Variants in APCDD1 observed in about 807,000 individuals in gnomAD.
APCDD1 encodes the protein protein APCDD1.
APCDD1 carries 15 observed loss-of-function variants against 38.1 expected under a neutral mutation model. That is an observed-to-expected ratio of 0.39 (90% CI 0.26 to 0.61). The LOEUF is 0.61. Among genes scored for constraint, APCDD1 ranks in the 20% least tolerant of loss-of-function variants. The pLI is 0.49. For synonymous variants in APCDD1, 261 were observed against 279.7 expected, an observed-to-expected ratio of 0.93 and a Z score of 0.67; for missense variants, 647 against 696.2, an observed-to-expected ratio of 0.93 and a Z score of 0.79.
rs368134493 is a variant in APCDD1, at chr18:10,471,819, G to C, written c.532G>C (p.Gly178Arg). 6.2e-7 allele frequency: 1 copy of C among 1,613,842 alleles called. No individual in the cohort carries two copies. Among genetic ancestry groups the C allele is most frequent in the South Asian group, 1.1e-5 (1 of 91,078 alleles). Residue 178 changes from glycine to arginine, a missense_variant, in exon 3 of 5, where the codon GGG becomes CGG. Coordinates refer to ENST00000355285, the MANE Select transcript of APCDD1 (RefSeq NM_153000.5). The surrounding 1 kb of genome is among the most constrained non-coding windows in gnomAD (Gnocchi z 5.5). ...CACATGCCCGGGCTTCCTCGCAGAC[G>C]GGGGTCCCTGGGTGCAGGACGTGGC... ...NRTCPGFLAD[G>R]GPWVQDVAYD... is the part of the protein sequence containing the mutation.
intron 3 of APCDD1, among the ~76,000 whole-genome samples, chr18:10,482,480 C>T (rs549457356): frequency 2.0e-5 from 3 of 152,166 alleles, no homozygotes; most frequent in South Asian, 2.1e-4. Context: ...TCTGACTCCG[C>T]GCTTCTTGTT....
At chr18:10,479,603 T>TG (rs1330143111) in intron 3 of APCDD1, among the ~76,000 whole-genome samples, 1 of 152,210 alleles carries the variant, frequency 6.6e-6, no homozygotes, top group Non-Finnish European at 1.5e-5. Flanking sequence ...GAGGCAGCTC[T>TG]GGCCAGGAGG....
intron 4 of APCDD1, 73 bp from the exon 5 acceptor site, chr18:10,487,517 G>C: frequency 2.7e-6 from 4 of 1,467,980 alleles, no homozygotes; most frequent in Non-Finnish European, 3.8e-6. Context: ...AGTGTGGCCA[G>C]TGTTTTCTGG....
chr18:10,473,391 C>T (rs1044717063), intron 3 of APCDD1, among the ~76,000 whole-genome samples: 2 of 152,212 alleles, frequency 1.3e-5, no homozygotes, highest in African/African-American at 2.4e-5. Flanking sequence ...GCATTCCTGC[C>T]GGCTCAGGAT....
chr18:10,456,035 T>C (rs756877025), intron 1 of APCDD1, among the ~76,000 whole-genome samples: 3 of 152,162 alleles, frequency 2.0e-5, no homozygotes, highest in Non-Finnish European at 2.9e-5. Flanking sequence ...TCAGAATGCA[T>C]GGTAGCCAGG....
Position 10,454,992 on chromosome 18 carries a change from C to T in APCDD1, c.11C>T (p.Pro4Leu). Residue 4 changes from proline to leucine, a missense_variant, in exon 1 of 5, where the codon CCG becomes CTG. By Grantham distance (98) the Pro-to-Leu change is moderately conservative. Transcript: ENST00000355285. MSW[P>L]RRLLLRYLFP... Reference sequence around the variant, plus strand: ...AGAGCAGGACTGGAAATGTCCTGGCCGCGCCGCCTCCTGCTCAGATACCTG... The same window carrying T: ...AGAGCAGGACTGGAAATGTCCTGGCTGCGCCGCCTCCTGCTCAGATACCTG... 1 of 1,555,178 alleles carries T rather than the reference C, an allele frequency of 6.4e-7. No individual in the cohort carries two copies. The highest frequency in any genetic ancestry group is 8.7e-7 in the Non-Finnish European group (1 of 1,149,996).
In APCDD1 at chr18:10,485,837, ATTT is replaced by A; in HGVS notation, c.1096+57_1096+59del. 2 of 1,582,966 alleles carry A rather than the reference ATTT, an allele frequency of 1.3e-6. No homozygotes were observed. The highest frequency in any genetic ancestry group is 1.7e-6 in the Non-Finnish European group (2 of 1,163,722). On this transcript the variant is annotated intron_variant, in intron 4 of 4. Transcript: ENST00000355285. This position sits in a 1 kb window ranked among gnomAD's most constrained non-coding sequence, Gnocchi z 5.8. Reference sequence around the variant, plus strand: ...CACAGCCAATAAACAGCCCTGTGACATTTTTGTGGAGGCAGAGCTGAGGGAAAG... The same window carrying A: ...CACAGCCAATAAACAGCCCTGTGACATTGTGGAGGCAGAGCTGAGGGAAAG...
In APCDD1 at chr18:10,475,935, T is replaced by C. The variant is rs2030988298; in HGVS notation, c.774+3874T>C. ...TTTTCAGATCCTTCCCCAGGACAGC[T>C]CTGAGAAGGAACAAAATGGACTCAG... On this transcript the variant is annotated intron_variant, in intron 3 of 4. Transcript: ENST00000355285. The surrounding 1 kb of genome is among the most constrained non-coding windows in gnomAD (Gnocchi z 4.0). 1.3e-5 allele frequency: 2 copies of C among 152,248 alleles called. No homozygotes were observed. Among genetic ancestry groups the C allele is most frequent in the South Asian group, 4.1e-4 (2 of 4,832 alleles). 9.4% of individuals were successfully genotyped at this position (152,248 alleles called of 1,614,324 possible).
rs181390779 is a variant in APCDD1 at position 10,460,333 on chromosome 18, C to T, written c.58+5294C>T. Reference sequence around the variant, plus strand: ...CTGCGGTCAGGAGTTGGAGACCAGCCTGGCCAACGCGGCGAAACCCCGTCT... The same window carrying T: ...CTGCGGTCAGGAGTTGGAGACCAGCTTGGCCAACGCGGCGAAACCCCGTCT... On this transcript the variant is annotated intron_variant, in intron 1 of 4. Transcript: ENST00000355285. 5.9e-5 allele frequency among the ~76,000 whole-genome samples: 9 copies of T among 152,256 alleles called. No individual in the cohort carries two copies. In the East Asian group the frequency reaches 1.7e-3, roughly 30 times the overall value.
In APCDD1 at chr18:10,487,455, G is replaced by A. The variant is rs1044758571; in HGVS notation, c.1097-135G>A. 4.8e-6 allele frequency: 4 copies of A among 831,802 alleles called. No homozygotes were observed. In the African/African-American group the frequency reaches 5.0e-5, roughly 10 times the overall value. 51.5% of individuals were successfully genotyped at this position (831,802 alleles called of 1,614,324 possible). ...CTTTGATGACTACTGCTGTCAGATG[G>A]GTGGGTCTGTAGGTGGGATTGTTTT... On this transcript the variant is annotated intron_variant, in intron 4 of 4. Transcript: ENST00000355285.
chr18:10,459,715 G>C (rs1568000742), intron 1 of APCDD1, among the ~76,000 whole-genome samples: 1 of 152,194 alleles, frequency 6.6e-6, no homozygotes, highest in Non-Finnish European at 1.5e-5. Context: ...GGAAACCTGT[G>C]CTGGAGTTTA....
At position 10,471,645 on chromosome 18, in the gene APCDD1, T is replaced by G; in HGVS notation, c.358T>G (p.Tyr120Asp). ...YGSNRCTNPT[Y>D]TLIIRGKIRL... ...CAGCAACCGGTGCACAAATCCCACT[T>G]ATACTCTCATCATCCGGGGCAAGAT... Residue 120 changes from tyrosine to aspartate, a missense_variant, in exon 3 of 5, where the codon TAT (tyrosine) becomes GAT (aspartate). Physicochemically the swap from Tyr to Asp is radical, Grantham distance 160 (BLOSUM62 -3). Coordinates refer to ENST00000355285, the MANE Select transcript of APCDD1 (RefSeq NM_153000.5). The surrounding 1 kb of genome is among the most constrained non-coding windows in gnomAD (Gnocchi z 5.5). The G allele has an allele frequency of 6.2e-7, 1 of 1,614,140 alleles. No individual in the cohort carries two copies. Among genetic ancestry groups the G allele is most frequent in the Non-Finnish European group, 8.5e-7 (1 of 1,180,032 alleles).
In APCDD1 at chr18:10,489,846, C is replaced by T. The variant is rs2031332144; in HGVS notation, c.*1808C>T. 1 of 152,202 alleles carries T rather than the reference C, an allele frequency of 6.6e-6. No individual in the cohort carries two copies. The allele number at this position is 152,202 out of a possible 1,614,324, so 9.4% of individuals were successfully genotyped here. A position where few individuals can be genotyped will look rare whatever the true frequency, so the allele number is the denominator to read the frequency against. On this transcript the variant is annotated 3_prime_UTR_variant, in exon 5 of 5. Transcript: ENST00000355285. ...GGCTTATTCAAAATGAAAATACTAA[C>T]TTAAATGGCCACCAAGTTCAATAAA...
In APCDD1 at chr18:10,472,232, G is replaced by C. The variant is rs1057494040; in HGVS notation, c.774+171G>C. On this transcript the variant is annotated intron_variant, in intron 3 of 4. Coordinates refer to ENST00000355285, the MANE Select transcript of APCDD1 (RefSeq NM_153000.5). The surrounding 1 kb of genome is among the most constrained non-coding windows in gnomAD (Gnocchi z 6.6). ...GGAGGAGATGGGAAAGGCTGGGGCTGAGGGTGCTTTAGCCAGTCAGGAGAC... is the reference window on the plus strand; with the variant it reads ...GGAGGAGATGGGAAAGGCTGGGGCTCAGGGTGCTTTAGCCAGTCAGGAGAC... 2.0e-5 allele frequency among the ~76,000 whole-genome samples: 3 copies of C among 152,180 alleles called. No homozygotes were observed. Among genetic ancestry groups the C allele is most frequent in the African/African-American group, 7.2e-5 (3 of 41,456 alleles).
At chr18:10,459,813 G>A (rs1393993590) in intron 1 of APCDD1, among the ~76,000 whole-genome samples, 1 of 152,082 alleles carries the variant, frequency 6.6e-6, no homozygotes, top group Non-Finnish European at 1.5e-5. Flanking sequence ...GTAATTACTT[G>A]CACTTAATCT....
chr18:10,463,650 A>T (rs1310139621), intron 1 of APCDD1, among the ~76,000 whole-genome samples: 1 of 152,230 alleles, frequency 6.6e-6, no homozygotes, highest in Non-Finnish European at 1.5e-5. Context: ...CACATTTGCC[A>T]CATCAGATGA....
chr18:10,478,638 C>T (rs978344801), intron 3 of APCDD1, among the ~76,000 whole-genome samples: 1 of 152,202 alleles, frequency 6.6e-6, no homozygotes, highest in African/African-American at 2.4e-5. Flanking sequence ...GGGCTGTACC[C>T]TCATGACCTA....
At chr18:10,459,085 T>G (rs1263628052) in intron 1 of APCDD1, among the ~76,000 whole-genome samples, 3 of 152,240 alleles carry the variant, frequency 2.0e-5, no homozygotes, top group African/African-American at 7.2e-5. Flanking sequence ...GTTTCATTCA[T>G]TCAGCTAACC....
intron 1 of APCDD1, among the ~76,000 whole-genome samples, chr18:10,462,687 C>CTCCT (rs2030601801): frequency 1.3e-5 from 1 of 79,882 alleles, no homozygotes; most frequent in East Asian, 4.6e-4. Context: ...CCTTCCTTCC[C>CTCCT]TCCTTCCTTC....
Sources: allele counts gnomAD v4.1 joint callset (sites outside exome capture counted in the v4.1 genomes callset), GRCh38; gene constraint gnomAD v4.1.1; non-coding constraint Gnocchi (gnomAD v3.1); transcripts MANE v1.5; gene names NCBI Gene and HGNC (gene_info 2026-07-23, HGNC 2026-07-21).